Variants in WWOX observed in about 807,000 individuals in gnomAD.
WWOX encodes WW domain-containing oxidoreductase.
Under a neutral mutation model 46.2 loss-of-function variants are expected in WWOX, and 69 were observed. The ratio of observed to expected loss-of-function variants is 1.49; its 90% CI spans 1.23 to 1.82. WWOX has a LOEUF of 1.82. WWOX is among the 40% of genes most tolerant of loss of function. WWOX has a pLI of 0.00. For missense variants in WWOX, 919 were observed against 542.6 expected (o/e 1.69, Z -6.89); for synonymous variants, 359 against 202.6 (o/e 1.77, Z -6.56).
intron 8 of WWOX, among the ~76,000 whole-genome samples, chr16:79,006,454 C>G (rs553621056): frequency 6.6e-6 from 1 of 151,658 alleles, no homozygotes; most frequent in Non-Finnish European, 1.5e-5. Flanking sequence ...GGTTTCTAAG[C>G]TGTAGATAAC....
chr16:78,534,857 G>C (rs1186502302), intron 8 of WWOX, among the ~76,000 whole-genome samples: 1 of 151,880 alleles, frequency 6.6e-6, no homozygotes, highest in Non-Finnish European at 1.5e-5. Context: ...GGGACTACAG[G>C]TGCGCGCTAT....
intron 8 of WWOX, among the ~76,000 whole-genome samples, chr16:78,968,262 A>G (rs1485996842): frequency 1.3e-5 from 2 of 152,222 alleles, no homozygotes; most frequent in Admixed American, 6.5e-5. Context: ...CGATTTCCAG[A>G]CTATCCAGAA....
At chr16:78,690,533 C>T (rs538557649) in intron 8 of WWOX, among the ~76,000 whole-genome samples, 1 of 151,954 alleles carries the variant, frequency 6.6e-6, no homozygotes, top group South Asian at 2.1e-4. Flanking sequence ...GCCTGGGCGA[C>T]AGAATGAGAC....
At chr16:79,061,279 A>G (rs2048353363) in intron 8 of WWOX, among the ~76,000 whole-genome samples, 2 of 152,144 alleles carry the variant, frequency 1.3e-5, no homozygotes, top group African/African-American at 4.8e-5. Context: ...CTGGATTTTT[A>G]CAATTTGTGC....
At chr16:78,248,912 G>A (rs543869537) in intron 5 of WWOX, among the ~76,000 whole-genome samples, 86 of 142,412 alleles carry the variant, frequency 6.0e-4, no homozygotes, top group African/African-American at 2.1e-3. Flanking sequence ...CCATCACCAG[G>A]CTGGCACGAT....
At chr16:78,594,440 C>G (rs1380413071) in intron 8 of WWOX, among the ~76,000 whole-genome samples, 5 of 79,974 alleles carry the variant, frequency 6.3e-5, no homozygotes, top group South Asian at 5.5e-4. Context: ...CCCCCCCCCC[C>G]CCCCCGCCAA....
intron 8 of WWOX, among the ~76,000 whole-genome samples, chr16:78,635,899 A>C (rs145346835): frequency 2.0e-5 from 3 of 152,310 alleles, no homozygotes; most frequent in African/African-American, 4.8e-5. Flanking sequence ...ACCAGGACAC[A>C]GAGAAAAGTG....
intron 1 of WWOX, chr16:78,100,110 C>T: frequency 1.5e-6 from 2 of 1,373,182 alleles, no homozygotes; most frequent in Non-Finnish European, 1.9e-6. Context: ...CCGGCGCGCC[C>T]TCTGCTGTTC....
At chr16:78,115,404 A>G (rs1392855204) in intron 4 of WWOX, among the ~76,000 whole-genome samples, 2 of 152,226 alleles carry the variant, frequency 1.3e-5, no homozygotes, top group Non-Finnish European at 2.9e-5. Context: ...TTTGGTATTC[A>G]GGGATGAGAG....
At chr16:78,599,395 C>G (rs2045568472) in intron 8 of WWOX, among the ~76,000 whole-genome samples, 1 of 152,172 alleles carries the variant, frequency 6.6e-6, no homozygotes. Flanking sequence ...AACCAAAGGG[C>G]CTGCTGCCCT....
chr16:78,675,121 A>G (rs1275113211), intron 8 of WWOX, among the ~76,000 whole-genome samples: 2 of 152,180 alleles, frequency 1.3e-5, no homozygotes, highest in East Asian at 1.9e-4. Context: ...AGATGATCGG[A>G]TCCTCATATT....
intron 7 of WWOX, among the ~76,000 whole-genome samples, chr16:78,427,736 C>T (rs561978481): frequency 1.3e-5 from 2 of 152,190 alleles, no homozygotes; most frequent in South Asian, 2.1e-4. Flanking sequence ...GTTGATCATG[C>T]CACTGCATTC....
chr16:78,528,620 C>T lies in WWOX; in HGVS notation c.1056+95868C>T, dbSNP rs1350345546. 2.0e-5 allele frequency among the ~76,000 whole-genome samples: 3 copies of T among 152,174 alleles called. No individual in the cohort carries two copies. In the East Asian group the frequency reaches 5.8e-4, roughly 29 times the overall value. Reference sequence around the variant, plus strand: ...ATAAACACACAGTAAACCCATTTATCTCAGGCTTAATGCTTTCTTGTTTCT... The same window carrying T: ...ATAAACACACAGTAAACCCATTTATTTCAGGCTTAATGCTTTCTTGTTTCT... On this transcript the variant is annotated intron_variant, in intron 8 of 8. Transcript: ENST00000566780.
chr16:78,721,105 A>T (rs1293324414), intron 8 of WWOX, among the ~76,000 whole-genome samples: 33 of 152,180 alleles, frequency 2.2e-4, no homozygotes, highest in Admixed American at 2.2e-3. Context: ...TAAATCTCTT[A>T]GCCCAGAATC....
intron 8 of WWOX, among the ~76,000 whole-genome samples, chr16:78,744,422 CTTTTTTTTTTTT>C (rs976073233): frequency 5.2e-4 from 43 of 82,242 alleles, no homozygotes; most frequent in East Asian, 9.0e-4. Context: ...GTCCACACTG[CTTTTTTTTTTTT>C]TTTTTTTTTT....
chr16:78,433,680 T>G (rs1335777455), intron 8 of WWOX, among the ~76,000 whole-genome samples: 1 of 151,834 alleles, frequency 6.6e-6, no homozygotes, highest in Non-Finnish European at 1.5e-5. Flanking sequence ...TGCAGGCCTA[T>G]TATCCTCCAG....
intron 5 of WWOX, among the ~76,000 whole-genome samples, chr16:78,223,671 G>T (rs1180850658): frequency 6.6e-6 from 1 of 152,150 alleles, no homozygotes; most frequent in Non-Finnish European, 1.5e-5. Flanking sequence ...TTCCAGCCTG[G>T]GTTTCCCAAA....
At chr16:79,129,473 C>T (rs2049830806) in intron 8 of WWOX, among the ~76,000 whole-genome samples, 1 of 150,590 alleles carries the variant, frequency 6.6e-6, no homozygotes, top group Admixed American at 6.6e-5. Context: ...TAAAGGAGTA[C>T]ATGATTGTGT....
At chr16:79,054,353 A>G (rs1258314370) in intron 8 of WWOX, among the ~76,000 whole-genome samples, 1 of 152,210 alleles carries the variant, frequency 6.6e-6, no homozygotes, top group Non-Finnish European at 1.5e-5. Context: ...TTGATATTTC[A>G]GGAATTTCAA....
Sources: gnomAD v4.1 joint callset for allele counts (sites outside exome capture counted in the v4.1 genomes callset) on GRCh38, gnomAD v4.1.1 for gene constraint, MANE v1.5 for transcripts, NCBI Gene and HGNC (gene_info 2026-07-23, HGNC 2026-07-21) for gene names.